KCNN1: variants seen among roughly 807,000 people sequenced by gnomAD.
The protein encoded by KCNN1 is potassium calcium-activated channel subfamily N member 1.
Under a neutral mutation model 44.7 loss-of-function variants are expected in KCNN1, and 20 were observed. That is an observed-to-expected ratio of 0.45 (90% confidence interval 0.32 to 0.65). The LOEUF is 0.65. Ranked by LOEUF, KCNN1 falls within the 30% of genes least tolerant of loss-of-function variation. KCNN1 has a pLI of 0.05. For missense variants in KCNN1, 632 were observed against 785.3 expected (o/e 0.80, Z 2.33); for synonymous variants, 324 against 341.7 (o/e 0.95, Z 0.57).
intron 1 of KCNN1, among the ~76,000 whole-genome samples, chr19:17,952,953 C>T (rs1023822274): frequency 6.6e-5 from 10 of 152,188 alleles, no homozygotes; most frequent in Non-Finnish European, 1.3e-4. Context: ...GTCAGATCCA[C>T]GAATCCCGGG....
rs1014108962 is a variant in KCNN1 at position 17,974,275 on chromosome 19, G to C, written c.387G>C (p.Trp129Cys). ...VVMVTETELS[W>C]GVYTKESLYS... The stretch of plus-strand genomic sequence containing the variant: ...TGGTGACGGAGACCGAGCTGTCCTG[G>C]GGGGTGTACACCAAGGTAGGCGTGG... The change falls in exon 2 of 10, where the codon TGG becomes TGC. Residue 129 changes from tryptophan to cysteine, a missense_variant. This residue lies in a region of KCNN1 where 235 missense variants were observed against 224.0 expected (regional missense o/e 1.05). Coordinates refer to ENST00000684775, the MANE Select transcript of KCNN1 (RefSeq NM_001386974.1). The surrounding 1 kb of genome is among the most constrained non-coding windows in gnomAD (Gnocchi z 7.3). 8.9e-6 allele frequency: 14 copies of C among 1,578,074 alleles called. No individual in the cohort carries two copies. In the African/African-American group the frequency reaches 1.5e-4, roughly 17 times the overall value.
At chr19:17,964,343 C>G (rs1378469896), upstream of KCNN1, among the ~76,000 whole-genome samples, 1 of 152,176 alleles carries the variant, frequency 6.6e-6, no homozygotes, top group African/African-American at 2.4e-5. This position sits in a 1 kb window ranked among gnomAD's most constrained non-coding sequence, Gnocchi z 4.3. Context: ...CGGCCACTAC[C>G]TTTGTGTCCC....
intron 7 of KCNN1, among the ~76,000 whole-genome samples, chr19:17,992,508 G>C (rs2032828724): frequency 6.6e-6 from 1 of 152,236 alleles, no homozygotes; most frequent in Non-Finnish European, 1.5e-5. Context: ...GGCTGAGCCA[G>C]GAGAATCGCT....
chr19:17,980,831 A>G (rs1375238822), intron 3 of KCNN1, among the ~76,000 whole-genome samples: 4 of 152,134 alleles, frequency 2.6e-5, no homozygotes, highest in Non-Finnish European at 4.4e-5. Flanking sequence ...ACTTGAGCCC[A>G]GGAGGTCAAG....
chr19:17,998,346 C>A lies in KCNN1; in HGVS notation c.1572C>A (p.Asp524Glu). The change falls in exon 10 of 10, where the codon GAC becomes GAA. Residue 524 changes from aspartate to glutamate, a missense_variant. By Grantham distance (45) the Asp-to-Glu change is conservative (BLOSUM62 2). Coordinates refer to ENST00000684775, the MANE Select transcript of KCNN1 (RefSeq NM_001386974.1). The surrounding 1 kb of genome is among the most constrained non-coding windows in gnomAD (Gnocchi z 5.4). ...LPPRPGPGPQDQAARSSPCRW... is the reference protein window; with the variant it reads ...LPPRPGPGPQEQAARSSPCRW... ...CCAGGCCCGGCCCCGGCCCCCAAGA[C>A]CAGGCAGCCCGGAGCTCCCCCTGCC... 6.6e-7 allele frequency: 1 copy of A among 1,524,060 alleles called. No individual in the cohort carries two copies. Among genetic ancestry groups the A allele is most frequent in the Non-Finnish European group, 8.8e-7 (1 of 1,140,286 alleles). 94.4% of individuals were successfully genotyped at this position (1,524,060 alleles called of 1,614,324 possible).
At chr19:17,955,505 G>T (rs1224650884) in intron 2 of KCNN1, among the ~76,000 whole-genome samples, 1 of 143,670 alleles carries the variant, frequency 7.0e-6, no homozygotes, top group Non-Finnish European at 1.5e-5. Context: ...AAGTTGCAGT[G>T]AGCCGAGATT....
intron 5 of KCNN1, among the ~76,000 whole-genome samples, chr19:17,986,358 G>A: frequency 9.2e-6 from 1 of 108,968 alleles, no homozygotes; most frequent in African/African-American, 4.3e-5. Flanking sequence ...AGTGAACTAA[G>A]TCTCAAAAAA....
In KCNN1 at chr19:17,985,436, C is replaced by T; in HGVS notation, c.1042C>T (p.Leu348=). ...CACCTACTGCGGGAAGGGTGTGTGC[C>T]TGCTCACTGGCATCATGGTAAGGGT... ...PHTYCGKGVC[L]LTGIMGAGCT... The change falls in exon 5 of 10, where the codon CTG becomes TTG. Residue 348 remains leucine (L), a synonymous_variant. Coordinates refer to ENST00000684775, the MANE Select transcript of KCNN1 (RefSeq NM_001386974.1). 1 of 1,596,546 alleles carries T rather than the reference C, an allele frequency of 6.3e-7. No homozygotes were observed. The highest frequency in any genetic ancestry group is 8.6e-7 in the Non-Finnish European group (1 of 1,168,182).
At chr19:17,971,456 T>C (rs989395393) in intron 1 of KCNN1, among the ~76,000 whole-genome samples, 4 of 151,624 alleles carry the variant, frequency 2.6e-5, no homozygotes, top group Admixed American at 1.3e-4. Context: ...TCAGGCAGGT[T>C]TGTATTATTA....
intron 2 of KCNN1, among the ~76,000 whole-genome samples, chr19:17,957,433 G>T (rs1244688538): frequency 6.6e-6 from 1 of 152,116 alleles, no homozygotes; most frequent in Non-Finnish European, 1.5e-5. Context: ...ATGTATTAGT[G>T]ACCAGAGGAG....
chr19:17,998,230 G>A lies in KCNN1; in HGVS notation c.1456G>A (p.Glu486Lys), dbSNP rs1398048767. The change falls in exon 10 of 10, where the codon GAA (glutamate) becomes AAA (lysine). Residue 486 changes from glutamate (E) to lysine (K), a missense_variant. This residue lies in a region of KCNN1 where 237 missense variants were observed against 253.0 expected (regional missense o/e 0.94). Coordinates refer to ENST00000684775, the MANE Select transcript of KCNN1 (RefSeq NM_001386974.1). The surrounding 1 kb of genome is among the most constrained non-coding windows in gnomAD (Gnocchi z 5.4). ...GCTGGAGGCCCGCCTGGCCACCCTG[G>A]AAAGCCGCTTGGATGCGCTGGGTGC... ...EELEARLATL[E>K]SRLDALGASL... The A allele has an allele frequency of 6.3e-7, 1 of 1,579,988 alleles. No homozygotes were observed. Among genetic ancestry groups the A allele is most frequent in the Non-Finnish European group, 8.6e-7 (1 of 1,164,896 alleles).
At chr19:17,997,122 G>C (rs2033024179) in intron 9 of KCNN1, among the ~76,000 whole-genome samples, 1 of 152,208 alleles carries the variant, frequency 6.6e-6, no homozygotes, top group Admixed American at 6.5e-5. Flanking sequence ...TGAGGTGGTA[G>C]GGATGCCCCA....
chr19:17,967,437 C>T (rs1370034513), intron 1 of KCNN1, 120 bp downstream of exon 1: 7 of 358,070 alleles, frequency 2.0e-5, no homozygotes, highest in Non-Finnish European at 2.7e-5. Flanking sequence ...GAGGGAGGGT[C>T]TCCGTGCGGT....
Position 17,993,977 on chromosome 19 carries a change from T to G in KCNN1, c.1377+418T>G, listed in dbSNP as rs1006258518. On this transcript the variant is annotated intron_variant, in intron 9 of 9. Coordinates refer to ENST00000684775, the MANE Select transcript of KCNN1 (RefSeq NM_001386974.1). This position sits in a 1 kb window ranked among gnomAD's most constrained non-coding sequence, Gnocchi z 4.5. ...AAGAGTACACAATTAGGGGGCTAAA[T>G]GGGTGAAGAGGTATTTCTAGATTTA... 6.6e-6 allele frequency among the ~76,000 whole-genome samples: 1 copy of G among 151,980 alleles called. No individual in the cohort carries two copies. The highest frequency in any genetic ancestry group is 1.9e-4 in the East Asian group (1 of 5,172).
rs756373306 is a variant in KCNN1 at position 17,993,609 on chromosome 19, A to ACAGG, written c.1377+50_1377+51insCAGG. 13 of 1,467,318 alleles carry ACAGG rather than the reference A, an allele frequency of 8.9e-6. No individual in the cohort carries two copies. The highest frequency in any genetic ancestry group is 1.4e-5 in the African/African-American group (1 of 72,286). 90.9% of individuals were successfully genotyped at this position (1,467,318 alleles called of 1,614,324 possible). On this transcript the variant is annotated intron_variant, in intron 9 of 9. Coordinates refer to ENST00000684775, the MANE Select transcript of KCNN1 (RefSeq NM_001386974.1). This position sits in a 1 kb window ranked among gnomAD's most constrained non-coding sequence, Gnocchi z 4.5. ...CCAGACAGGGCAGGTGGGGCCCCGGAGCAGATGGGATGGGGCTCAGCTCCT... is the reference window on the plus strand; with the variant it reads ...CCAGACAGGGCAGGTGGGGCCCCGGACAGGGCAGATGGGATGGGGCTCAGCTCCT...
intron 1 of KCNN1, among the ~76,000 whole-genome samples, chr19:17,969,788 G>T (rs1413435095): frequency 1.3e-5 from 2 of 152,230 alleles, no homozygotes; most frequent in Non-Finnish European, 2.9e-5. Context: ...TCCCCAGCTG[G>T]GGAAGTTTTG....
In KCNN1 at chr19:17,998,309, C is replaced by T; in HGVS notation, c.1535C>T (p.Pro512Leu). 1.3e-6 allele frequency: 2 copies of T among 1,540,450 alleles called. No homozygotes were observed. Among genetic ancestry groups the T allele is most frequent in the Admixed American group, 1.9e-5 (1 of 51,366 alleles). The change falls in exon 10 of 10, where the codon CCT (proline) becomes CTT (leucine). Residue 512 changes from proline to leucine, a missense_variant. Coordinates refer to ENST00000684775, the MANE Select transcript of KCNN1 (RefSeq NM_001386974.1). This position sits in a 1 kb window ranked among gnomAD's most constrained non-coding sequence, Gnocchi z 5.4. ...LIAQAIRPPP[P>L]PLPPRPGPGP... Reference sequence around the variant, plus strand: ...GCCCAAGCCATACGCCCACCCCCGCCTCCCCTGCCTCCCAGGCCCGGCCCC... The same window carrying T: ...GCCCAAGCCATACGCCCACCCCCGCTTCCCCTGCCTCCCAGGCCCGGCCCC...
chr19:17,995,413 A>G (rs1235841222), intron 9 of KCNN1, among the ~76,000 whole-genome samples: 2 of 151,726 alleles, frequency 1.3e-5, no homozygotes, highest in African/African-American at 4.8e-5. Context: ...AGCTCAAGTG[A>G]TCCTCCCGCC....
intron 7 of KCNN1, 88 bp from the exon 8 acceptor site, chr19:17,992,966 G>C: frequency 6.5e-7 from 1 of 1,545,554 alleles, no homozygotes; most frequent in Non-Finnish European, 8.8e-7. Flanking sequence ...ATCCCCGGGA[G>C]GTGGGCAGGG....
Sources: allele counts gnomAD v4.1 joint callset (sites outside exome capture counted in the v4.1 genomes callset), GRCh38; gene constraint gnomAD v4.1.1; regional missense constraint gnomAD v4.1.1; non-coding constraint Gnocchi (gnomAD v3.1); transcripts MANE v1.5; gene names NCBI Gene and HGNC (gene_info 2026-07-23, HGNC 2026-07-21).